Variants in CRYBG1 observed in about 807,000 individuals in gnomAD.
CRYBG1 encodes crystallin beta-gamma domain containing 1.
Under a neutral mutation model 189.2 loss-of-function variants are expected in CRYBG1, and 139 were observed. The ratio of observed to expected loss-of-function variants is 0.73; its 90% CI spans 0.64 to 0.85. The LOEUF is 0.85. Ranked by LOEUF, CRYBG1 falls within the 40% of genes least tolerant of loss-of-function variation. The pLI is 0.00. For synonymous variants in CRYBG1, 1,023 were observed against 1,017.1 expected (o/e 1.01, Z -0.11); for missense variants, 2,611 against 2,675.8 (o/e 0.98, Z 0.53).
chr6:106,532,503 T>G (rs565695874), intron 8 of CRYBG1, among the ~76,000 whole-genome samples: 1 of 152,350 alleles, frequency 6.6e-6, no homozygotes, highest in Non-Finnish European at 1.5e-5. Context: ...ATAATGGCTG[T>G]GCTAATTTAT....
Position 106,360,789 on chromosome 6 carries a change from C to CG in CRYBG1, c.-116dup. On this transcript the variant is annotated 5_prime_UTR_variant, in exon 1 of 22. Transcript: ENST00000633556. ...TCCCCCCGCATCCGCGACGAGGGGG[C>CG]GGGGTCCCACGGCGCGCTGAGAAAG... 1 of 1,207,774 alleles carries CG rather than the reference C, an allele frequency of 8.3e-7. No homozygotes were observed. The highest frequency in any genetic ancestry group is 1.1e-6 in the Non-Finnish European group (1 of 907,590). The allele number at this position is 1,207,774 out of a possible 1,614,324, so 74.8% of individuals were successfully genotyped here.
At chr6:106,530,043 G>T in intron 7 of CRYBG1, 133 bp from the exon 8 acceptor site, 1 of 762,994 alleles carries the variant, frequency 1.3e-6, no homozygotes, top group East Asian at 2.8e-5. Flanking sequence ...GGCTAAAATG[G>T]CAGGTGCTCT....
At chr6:106,506,872 T>C (rs1361310118) in intron 2 of CRYBG1, among the ~76,000 whole-genome samples, 1 of 152,124 alleles carries the variant, frequency 6.6e-6, no homozygotes, top group African/African-American at 2.4e-5. Context: ...GGAAAAACCC[T>C]TAGATAGTCA....
chr6:106,398,339 G>T (rs1770652099), intron 1 of CRYBG1, among the ~76,000 whole-genome samples: 1 of 152,148 alleles, frequency 6.6e-6, no homozygotes, highest in Non-Finnish European at 1.5e-5. Context: ...ACATGGCAAG[G>T]AGGCTGAGAT....
chr6:106,513,124 G>A, intron 3 of CRYBG1, 85 bp downstream of exon 3: 1 of 1,452,890 alleles, frequency 6.9e-7, no homozygotes, highest in South Asian at 1.3e-5. Context: ...TATCTGCATT[G>A]TGGAAGAAAC....
chr6:106,447,523 T>C (rs983603246), intron 1 of CRYBG1, among the ~76,000 whole-genome samples: 3 of 146,490 alleles, frequency 2.0e-5, no homozygotes, highest in Non-Finnish European at 4.5e-5. Context: ...ACACTTTGAA[T>C]GCTTGTACCT....
intron 2 of CRYBG1, among the ~76,000 whole-genome samples, chr6:106,464,808 TA>T (rs1169386513): frequency 6.6e-6 from 1 of 152,238 alleles, no homozygotes; most frequent in Non-Finnish European, 1.5e-5. Flanking sequence ...TCAAAGAGTT[TA>T]GAGAATTAAG....
chr6:106,528,641 T>C (rs910009607), intron 7 of CRYBG1, among the ~76,000 whole-genome samples: 3 of 152,110 alleles, frequency 2.0e-5, no homozygotes, highest in African/African-American at 7.2e-5. Flanking sequence ...GGGGAAGGTA[T>C]CAGAATCTGG....
At position 106,544,676 on chromosome 6, in the gene CRYBG1, G is replaced by C; in HGVS notation, c.5145G>C (p.Gln1715His). 1 of 1,614,078 alleles carries C rather than the reference G, an allele frequency of 6.2e-7. No individual in the cohort carries two copies. Among genetic ancestry groups the C allele is most frequent in the Non-Finnish European group, 8.5e-7 (1 of 1,179,990 alleles). The change falls in exon 12 of 22, where the codon CAG becomes CAC. Residue 1715 changes from glutamine (Q) to histidine (H), a missense_variant. Physicochemically the swap from Gln to His is conservative, Grantham distance 24. This residue lies in a region of CRYBG1 where 1,622 missense variants were observed against 1,735.0 expected (regional missense o/e 0.93). Transcript: ENST00000633556. Reference sequence around the variant, plus strand: ...GGGGAGGTTACAATGGAGAGCTTCAGTCTTTACGACCTATATTAGGTGTAA... The same window carrying C: ...GGGGAGGTTACAATGGAGAGCTTCACTCTTTACGACCTATATTAGGTGTAA... ...KAWGGYNGEL[Q>H]SLRPILGDFS... is the part of the protein sequence containing the mutation.
chr6:106,541,474 C>A, intron 9 of CRYBG1, 112 bp from the exon 10 acceptor site: 1 of 1,065,468 alleles, frequency 9.4e-7, no homozygotes, highest in South Asian at 1.3e-5. Context: ...TTAAAACAAA[C>A]CAGAACATAG....
In CRYBG1 at chr6:106,520,470, T is replaced by C; in HGVS notation, c.3262T>C (p.Leu1088=). 1.9e-6 allele frequency: 3 copies of C among 1,614,188 alleles called. No homozygotes were observed. Among genetic ancestry groups the C allele is most frequent in the Non-Finnish European group, 1.7e-6 (2 of 1,180,036 alleles). Residue 1088 remains leucine (L), a synonymous_variant, in exon 4 of 22, where the codon TTG becomes CTG. Coordinates refer to ENST00000633556, the MANE Select transcript of CRYBG1 (RefSeq NM_001371242.2). The part of the protein sequence containing the change: ...TNGQDSPASL[L]NISAGSDDSV... ...TGGCCAGGATAGCCCTGCCAGCCTT[T>C]TGAACATTTCTGCTGGTAGTGATGA...
At chr6:106,362,073 C>T (rs1404600360) in intron 1 of CRYBG1, among the ~76,000 whole-genome samples, 5 of 150,896 alleles carry the variant, frequency 3.3e-5, no homozygotes, top group Non-Finnish European at 7.4e-5. Flanking sequence ...CGGGTTCACG[C>T]CATTCTCCTG....
At chr6:106,381,344 AC>A (rs1209444206) in intron 1 of CRYBG1, among the ~76,000 whole-genome samples, 1 of 152,158 alleles carries the variant, frequency 6.6e-6, no homozygotes, top group African/African-American at 2.4e-5. Flanking sequence ...AATTCTGCTC[AC>A]GGTTCAGCCA....
intron 11 of CRYBG1, 36 bp from the exon 12 acceptor site, chr6:106,544,535 T>C (rs1194629125): frequency 1.2e-6 from 2 of 1,603,578 alleles, no homozygotes. Context: ...TTAACATGTC[T>C]GGAAATGACT....
intron 1 of CRYBG1, 57 bp downstream of exon 1, chr6:106,361,138 C>A: frequency 6.7e-7 from 1 of 1,500,504 alleles, no homozygotes; most frequent in Non-Finnish European, 8.9e-7. Flanking sequence ...CCTTCTCCTG[C>A]TGCGCTAGCC....
At position 106,512,651 on chromosome 6, in the gene CRYBG1, C is replaced by T. The variant is rs1310508487; in HGVS notation, c.1534C>T (p.Pro512Ser). The T allele has an allele frequency of 2.5e-6, 4 of 1,584,158 alleles. No homozygotes were observed. The highest frequency in any genetic ancestry group is 1.3e-5 in the African/African-American group (1 of 74,512). Residue 512 changes from proline (P) to serine (S), a missense_variant, in exon 3 of 22, where the codon CCC becomes TCC. By Grantham distance (74) the Pro-to-Ser change is moderately conservative. Transcript: ENST00000633556. Reference sequence around the variant, plus strand: ...CAAACAGCCACCCCCGGCTTCGTCCCCCACGAAGAGGAAGGGCAGGAGCCG... The same window carrying T: ...CAAACAGCCACCCCCGGCTTCGTCCTCCACGAAGAGGAAGGGCAGGAGCCG... ...RSKQPPPASS[P>S]TKRKGRSRAL...
chr6:106,416,202 C>G (rs1366875203), intron 1 of CRYBG1, among the ~76,000 whole-genome samples: 5 of 152,236 alleles, frequency 3.3e-5, no homozygotes, highest in African/African-American at 7.2e-5. Context: ...GCCAAACTCT[C>G]TCAATACCAC....
intron 3 of CRYBG1, among the ~76,000 whole-genome samples, chr6:106,514,567 G>A (rs536249084): frequency 6.6e-6 from 1 of 152,268 alleles, no homozygotes; most frequent in East Asian, 1.9e-4. Flanking sequence ...GGTGAATGAT[G>A]CCTATTATTT....
At chr6:106,400,136 C>CAA (rs11286627) in intron 1 of CRYBG1, among the ~76,000 whole-genome samples, 59 of 76,152 alleles carry the variant, frequency 7.7e-4, no homozygotes, top group African/African-American at 1.3e-3. Context: ...GACTCCATCT[C>CAA]AAAAAAAAAA....
Sources: allele counts gnomAD v4.1 joint callset (sites outside exome capture counted in the v4.1 genomes callset), GRCh38; gene constraint gnomAD v4.1.1; regional missense constraint gnomAD v4.1.1; transcripts MANE v1.5; gene names NCBI Gene and HGNC (gene_info 2026-07-23, HGNC 2026-07-21).